Variants in ZNF264 observed in about 807,000 individuals in gnomAD.
ZNF264 encodes the protein zinc finger protein 264.
A neutral mutation model predicts 11.2 loss-of-function variants in ZNF264; 11 were observed. That is an observed-to-expected ratio of 0.98 (90% CI 0.62 to 1.63). ZNF264 has a LOEUF of 1.63. Among genes scored for constraint, ZNF264 ranks in the 40% most tolerant of loss-of-function variants. The pLI, the probability that ZNF264 is intolerant of heterozygous loss-of-function variation, is 0.00. For synonymous variants in ZNF264, 309 were observed against 279.8 expected (o/e 1.10, Z -1.04); for missense variants, 752 against 768.1 (o/e 0.98, Z 0.25).
rs2087392373 is a variant in ZNF264 at position 57,217,955 on chromosome 19, C to A, written c.*4974C>A. The A allele has an allele frequency of 6.6e-6, 1 of 150,924 alleles. No homozygotes were observed. Among genetic ancestry groups the A allele is most frequent in the East Asian group, 2.0e-4 (1 of 5,050 alleles). The allele number at this position is 150,924 out of a possible 1,614,324, so 9.3% of individuals were successfully genotyped here. ...TACAGGTGTGCGCCGCCACACCCAGCTAATTTTGTATTTTTAGTAGAGACG... is the reference window on the plus strand; with the variant it reads ...TACAGGTGTGCGCCGCCACACCCAGATAATTTTGTATTTTTAGTAGAGACG... On this transcript the variant is annotated 3_prime_UTR_variant, in exon 4 of 4. Transcript: ENST00000263095.
At position 57,212,997 on chromosome 19, in the gene ZNF264, CT is replaced by C. The variant is rs1446393418; in HGVS notation, c.*17del. The C allele has an allele frequency of 1.3e-6, 2 of 1,589,498 alleles. No homozygotes were observed. Among genetic ancestry groups the C allele is most frequent in the Non-Finnish European group, 1.7e-6 (2 of 1,166,398 alleles). On this transcript the variant is annotated 3_prime_UTR_variant, in exon 4 of 4. Transcript: ENST00000263095. ...TTCACTGTGAGAAAACCTTCTGTTG[CT>C]GAATATTACTTGTCATCTGAAGAGT...
At chr19:57,197,013 T>C (rs997070168) in intron 2 of ZNF264, among the ~76,000 whole-genome samples, 2 of 151,990 alleles carry the variant, frequency 1.3e-5, no homozygotes, top group Non-Finnish European at 2.9e-5. Flanking sequence ...GGGGCTGTAG[T>C]GCTGCAGCTA....
rs755574517 is a variant in ZNF264 at position 57,212,375 on chromosome 19, C to G, written c.1278C>G (p.Pro426=). The G allele has an allele frequency of 2.5e-6, 4 of 1,613,426 alleles. No homozygotes were observed. Among genetic ancestry groups the G allele is most frequent in the African/African-American group, 1.3e-5 (1 of 74,788 alleles). The change falls in exon 4 of 4, where the codon CCC becomes CCG. Residue 426 remains proline, a synonymous_variant. Transcript: ENST00000263095. ...AGCGGATTCACACTGGGGAGAAGCCCTTCGTGTGCAGTGAATGTGGAAAGG... is the reference window on the plus strand; with the variant it reads ...AGCGGATTCACACTGGGGAGAAGCCGTTCGTGTGCAGTGAATGTGGAAAGG... ...RHQRIHTGEK[P]FVCSECGKAF...
rs570460022 is a variant in ZNF264, at chr19:57,212,055, T to C, written c.958T>C (p.Cys320Arg). Residue 320 changes from cysteine (C) to arginine (R), a missense_variant, in exon 4 of 4, where the codon TGT (cysteine) becomes CGT (arginine). Cys to Arg is a radical substitution (Grantham distance 180). Transcript: ENST00000263095. ...AGAAAAATCCTTTGTGTGCACAGAATGTGGCCAAGTCTTTCGACATAGGCC... is the reference window on the plus strand; with the variant it reads ...AGAAAAATCCTTTGTGTGCACAGAACGTGGCCAAGTCTTTCGACATAGGCC... ...TGEKSFVCTE[C>R]GQVFRHRPGF... The C allele has an allele frequency of 3.7e-6, 6 of 1,614,112 alleles. No homozygotes were observed. Among genetic ancestry groups the C allele is most frequent in the Non-Finnish European group, 5.1e-6 (6 of 1,180,004 alleles).
chr19:57,194,946 A>G (rs1210734339), intron 2 of ZNF264: 3 of 393,420 alleles, frequency 7.6e-6, no homozygotes, highest in Non-Finnish European at 9.0e-6. Flanking sequence ...AGAGAAATGA[A>G]ATGATGTTTT....
In ZNF264 at chr19:57,222,079, G is replaced by A. The variant is rs1005926779; in HGVS notation, c.*9098G>A. ...TGTAATGATTGTAATAAATTCAGGT[G>A]GCTCACGCCTGTGATACCAGCACTT... is the stretch of plus-strand genomic sequence containing the variant. On this transcript the variant is annotated 3_prime_UTR_variant, in exon 4 of 4. Transcript: ENST00000263095. 2 of 152,106 alleles carry A rather than the reference G, an allele frequency of 1.3e-5. No homozygotes were observed. The highest frequency in any genetic ancestry group is 4.8e-5 in the African/African-American group (2 of 41,408). The allele number at this position is 152,106 out of a possible 1,614,324, so 9.4% of individuals were successfully genotyped here. A position where few individuals can be genotyped will look rare whatever the true frequency, so the allele number is the denominator to read the frequency against.
rs1161580190 is a variant in ZNF264 at position 57,220,224 on chromosome 19, T to G, written c.*7243T>G. 1 of 152,228 alleles carries G rather than the reference T, an allele frequency of 6.6e-6. No homozygotes were observed. The highest frequency in any genetic ancestry group is 1.5e-5 in the Non-Finnish European group (1 of 68,046). The allele number at this position is 152,228 out of a possible 1,614,324, so 9.4% of individuals were successfully genotyped here. On this transcript the variant is annotated 3_prime_UTR_variant, in exon 4 of 4. Transcript: ENST00000263095. ...TTTCTGGTCACTATTTTTACTAAAG[T>G]TGATTCAACAATGCTATAATCTGTT...
Position 57,218,216 on chromosome 19 carries a change from C to G in ZNF264, c.*5235C>G, listed in dbSNP as rs1042253370. On this transcript the variant is annotated 3_prime_UTR_variant, in exon 4 of 4. Coordinates refer to ENST00000263095, the MANE Select transcript of ZNF264 (RefSeq NM_003417.5). ...GATGTCTTTATGTTTCCTTCATTCC[C>G]AAAGAATATTTTTGTGGAATATAAG... 2 of 152,068 alleles carry G rather than the reference C, an allele frequency of 1.3e-5. No individual in the cohort carries two copies. The highest frequency in any genetic ancestry group is 2.9e-5 in the Non-Finnish European group (2 of 68,020). The allele number at this position is 152,068 out of a possible 1,614,324, so 9.4% of individuals were successfully genotyped here.
rs570602191 is a variant in ZNF264 at position 57,199,655 on chromosome 19, G to A, written c.160+5654G>A. 4.0e-5 allele frequency among the ~76,000 whole-genome samples: 6 copies of A among 151,816 alleles called. No individual in the cohort carries two copies. The East Asian group carries it at 9.6e-4, about 24-fold the overall frequency. ...TCCCACACCCTTAATATCCATTCCC[G>A]TGCCTGTTCTCCAAATTTCTGCTTA... is the stretch of plus-strand genomic sequence containing the variant. On this transcript the variant is annotated intron_variant, in intron 2 of 3. Coordinates refer to ENST00000263095, the MANE Select transcript of ZNF264 (RefSeq NM_003417.5).
rs2087338358 is a variant in ZNF264, at chr19:57,211,795, G to A, written c.698G>A (p.Cys233Tyr). Residue 233 changes from cysteine (C) to tyrosine (Y), a missense_variant, in exon 4 of 4, where the codon TGC (cysteine) becomes TAC (tyrosine). By Grantham distance (194) the Cys-to-Tyr change is radical (BLOSUM62 -2). Coordinates refer to ENST00000263095, the MANE Select transcript of ZNF264 (RefSeq NM_003417.5). ...CACTCTGGAGTTAAGCCCTATGAAT[G>A]CACAGAATGTGGGAAAACCTTTATT... is the stretch of plus-strand genomic sequence containing the variant. ...KIHSGVKPYECTECGKTFIKS... is the reference protein window; with the variant it reads ...KIHSGVKPYEYTECGKTFIKS... The A allele has an allele frequency of 6.2e-7, 1 of 1,614,200 alleles. No individual in the cohort carries two copies. The highest frequency in any genetic ancestry group is 8.5e-7 in the Non-Finnish European group (1 of 1,180,044).
chr19:57,195,833 C>T (rs1181964293), intron 2 of ZNF264, among the ~76,000 whole-genome samples: 7 of 151,742 alleles, frequency 4.6e-5, no homozygotes, highest in African/African-American at 1.7e-4. Context: ...CGTTGTGTCT[C>T]CTGGTGGCAG....
chr19:57,217,380 C>G lies in ZNF264; in HGVS notation c.*4399C>G, dbSNP rs755715862. ...TAACTATCTTAAGTAATAGTAATTC[C>G]TCTTCAAAAATTGAGCGCTATGTTG... On this transcript the variant is annotated 3_prime_UTR_variant, in exon 4 of 4. Coordinates refer to ENST00000263095, the MANE Select transcript of ZNF264 (RefSeq NM_003417.5). 1 of 151,948 alleles carries G rather than the reference C, an allele frequency of 6.6e-6. No homozygotes were observed. The highest frequency in any genetic ancestry group is 1.5e-5 in the Non-Finnish European group (1 of 67,986). The allele number at this position is 151,948 out of a possible 1,614,324, so 9.4% of individuals were successfully genotyped here.
At chr19:57,200,854 C>T (rs2087247950) in intron 2 of ZNF264, among the ~76,000 whole-genome samples, 1 of 151,860 alleles carries the variant, frequency 6.6e-6, no homozygotes, top group Non-Finnish European at 1.5e-5. Flanking sequence ...TGAAGTGATC[C>T]ATCCGCCTCA....
intron 1 of ZNF264, among the ~76,000 whole-genome samples, chr19:57,193,317 A>G (rs1156365841): frequency 6.6e-6 from 1 of 152,248 alleles, no homozygotes; most frequent in African/African-American, 2.4e-5. Context: ...CCCAGAGCAC[A>G]CTGAGCATTG....
rs915052531 is a variant in ZNF264 at position 57,193,936 on chromosome 19, A to T, written c.95A>T (p.Asp32Val). 3.7e-6 allele frequency: 6 copies of T among 1,614,018 alleles called. No homozygotes were observed. Among genetic ancestry groups the T allele is most frequent in the Non-Finnish European group, 5.1e-6 (6 of 1,179,950 alleles). The change falls in exon 2 of 4, where the codon GAC (aspartate) becomes GTC (valine). Residue 32 changes from aspartate (D) to valine (V), a missense_variant. Physicochemically the swap from Asp to Val is radical, Grantham distance 152. Coordinates refer to ENST00000263095, the MANE Select transcript of ZNF264 (RefSeq NM_003417.5). ...TFTKEEWGQL[D>V]LAQRTLYQEV... ...ACCAAGGAGGAGTGGGGGCAGCTGG[A>T]CCTAGCTCAGCGGACCCTGTACCAG...
rs1436387074 is a variant in ZNF264 at position 57,212,985 on chromosome 19, A to G, written c.*4A>G. The G allele has an allele frequency of 8.7e-6, 14 of 1,600,178 alleles. No individual in the cohort carries two copies. The highest frequency in any genetic ancestry group is 1.2e-5 in the Non-Finnish European group (14 of 1,171,438). ...CCCACAAGTGTCTTCACTGTGAGAA[A>G]ACCTTCTGTTGCTGAATATTACTTG... On this transcript the variant is annotated 3_prime_UTR_variant, in exon 4 of 4. Transcript: ENST00000263095.
At position 57,222,695 on chromosome 19, in the gene ZNF264, A is replaced by G. The variant is rs1213492649; in HGVS notation, c.*9714A>G. 1 of 152,120 alleles carries G rather than the reference A, an allele frequency of 6.6e-6. No homozygotes were observed. Among genetic ancestry groups the G allele is most frequent in the African/African-American group, 2.4e-5 (1 of 41,412 alleles). The allele number at this position is 152,120 out of a possible 1,614,324, so 9.4% of individuals were successfully genotyped here. ...TATTGCCAGTTCAGTGTGTATTTCT[A>G]TAGTATATATGTAAACAATTTGTCA... On this transcript the variant is annotated 3_prime_UTR_variant, in exon 4 of 4. Coordinates refer to ENST00000263095, the MANE Select transcript of ZNF264 (RefSeq NM_003417.5).
Position 57,216,977 on chromosome 19 carries a change from A to C in ZNF264, c.*3996A>C, listed in dbSNP as rs1334111883. 1 of 152,078 alleles carries C rather than the reference A, an allele frequency of 6.6e-6. No individual in the cohort carries two copies. The highest frequency in any genetic ancestry group is 2.4e-5 in the African/African-American group (1 of 41,408). 9.4% of individuals were successfully genotyped at this position (152,078 alleles called of 1,614,324 possible). A position where few individuals can be genotyped will look rare whatever the true frequency, so the allele number is the denominator to read the frequency against. The stretch of plus-strand genomic sequence containing the variant: ...AAACCCATTGCAAGTTGAAAATACT[A>C]TGTCAAATATGCATTTAATACACCT... On this transcript the variant is annotated 3_prime_UTR_variant, in exon 4 of 4. Transcript: ENST00000263095.
chr19:57,211,313 C>T (rs1245040551), intron 3 of ZNF264, 41 bp from the exon 4 acceptor site: 5 of 1,521,338 alleles, frequency 3.3e-6, no homozygotes, highest in Admixed American at 2.2e-5. Flanking sequence ...TCCATGTTGT[C>T]CTTTACTAAC....
Sources: allele counts gnomAD v4.1 joint callset (sites outside exome capture counted in the v4.1 genomes callset), GRCh38; gene constraint gnomAD v4.1.1; transcripts MANE v1.5; gene names NCBI Gene and HGNC (gene_info 2026-07-23, HGNC 2026-07-21).